Variants in ST18 observed in about 807,000 individuals in gnomAD.
The protein encoded by ST18 is ST18 C2H2C-type zinc finger transcription factor, also known as suppression of tumorigenicity 18 protein.
Under a neutral mutation model 110.0 loss-of-function variants are expected in ST18, and 50 were observed. The observed-to-expected ratio is 0.45, with a 90% CI of 0.36 to 0.58. The LOEUF (loss-of-function observed/expected upper bound fraction) is 0.58, where lower values mean the gene tolerates loss of function less well. Among genes scored for constraint, ST18 ranks in the 20% least tolerant of loss-of-function variants. The pLI is 0.00. For synonymous variants in ST18, 461 were observed against 452.4 expected, an observed-to-expected ratio of 1.02 and a Z score of -0.24; for missense variants, 1,306 against 1,280.1, an observed-to-expected ratio of 1.02 and a Z score of -0.31.
At chr8:52,324,557 G>A (rs907076650) in intron 2 of ST18, among the ~76,000 whole-genome samples, 17 of 152,290 alleles carry the variant, frequency 1.1e-4, no homozygotes, top group African/African-American at 3.6e-4. Flanking sequence ...ACGGCAATGG[G>A]AACTAGTGAT....
rs538357628 is a variant in ST18, at chr8:52,139,500, C to T, written c.2169-2017G>A. On this transcript the variant is annotated intron_variant, in intron 17 of 25. Transcript: ENST00000689386. Reference sequence around the variant, plus strand: ...CCTCCCGAATAGCTTGGATTACAGGCGTGTACCACCATGCCCGACTAATTT... The same window carrying T: ...CCTCCCGAATAGCTTGGATTACAGGTGTGTACCACCATGCCCGACTAATTT... 5.3e-5 allele frequency among the ~76,000 whole-genome samples: 8 copies of T among 152,162 alleles called. No individual in the cohort carries two copies. In the South Asian group the frequency reaches 8.3e-4, roughly 16 times the overall value.
chr8:52,321,177 A>G (rs1020040803), intron 2 of ST18, among the ~76,000 whole-genome samples: 2 of 152,138 alleles, frequency 1.3e-5, no homozygotes, highest in African/African-American at 4.8e-5. Flanking sequence ...CCTGGACGGG[A>G]AGAGACACTC....
At chr8:52,394,169 A>T (rs1840299250) in intron 2 of ST18, among the ~76,000 whole-genome samples, 1 of 152,160 alleles carries the variant, frequency 6.6e-6, no homozygotes, top group Non-Finnish European at 1.5e-5. Flanking sequence ...GTCTCTCCAG[A>T]TGCAGAGGAG....
At chr8:52,272,387 A>G (rs2095103913) in intron 2 of ST18, among the ~76,000 whole-genome samples, 1 of 152,222 alleles carries the variant, frequency 6.6e-6, no homozygotes, top group African/African-American at 2.4e-5. Flanking sequence ...AAATAGCCTA[A>G]GAACTTGAAT....
intron 2 of ST18, among the ~76,000 whole-genome samples, chr8:52,246,856 T>C (rs1317671728): frequency 6.6e-6 from 1 of 152,200 alleles, no homozygotes; most frequent in Non-Finnish European, 1.5e-5. Context: ...AAGGCAACAT[T>C]TATCTCCCAT....
chr8:52,364,024 G>C (rs1826829104), intron 2 of ST18, among the ~76,000 whole-genome samples: 2 of 152,166 alleles, frequency 1.3e-5, no homozygotes, highest in South Asian at 4.1e-4. Flanking sequence ...AAGGACTGTG[G>C]TATCGATTAC....
At chr8:52,309,520 CAAAAAA>C (rs756214451) in intron 2 of ST18, among the ~76,000 whole-genome samples, 1 of 37,768 alleles carries the variant, frequency 2.6e-5, no homozygotes, top group Non-Finnish European at 4.9e-5. Context: ...GACTCCATCT[CAAAAAA>C]AAAAAAAAAA....
At chr8:52,215,348 A>G (rs575930983) in intron 6 of ST18, among the ~76,000 whole-genome samples, 1 of 152,196 alleles carries the variant, frequency 6.6e-6, no homozygotes, top group Non-Finnish European at 1.5e-5. Context: ...CCTGCACATA[A>G]TAGTTTCATT....
chr8:52,323,481 A>G (rs1804912206), intron 2 of ST18, among the ~76,000 whole-genome samples: 1 of 152,152 alleles, frequency 6.6e-6, no homozygotes, highest in Non-Finnish European at 1.5e-5. Context: ...GTAAACCTCA[A>G]ATACCTCTCT....
intron 8 of ST18, among the ~76,000 whole-genome samples, chr8:52,186,002 A>T (rs888579862): frequency 6.6e-6 from 1 of 152,136 alleles, no homozygotes; most frequent in African/African-American, 2.4e-5. Context: ...GCCTCCTATT[A>T]ACATTCCATT....
chr8:52,179,908 C>G (rs899907141), intron 9 of ST18, among the ~76,000 whole-genome samples: 4 of 152,192 alleles, frequency 2.6e-5, no homozygotes, highest in African/African-American at 9.7e-5. Context: ...GGGCAAGACT[C>G]TCTGTTGCTT....
intron 2 of ST18, among the ~76,000 whole-genome samples, chr8:52,292,389 G>T (rs1364323692): frequency 6.6e-6 from 1 of 152,190 alleles, no homozygotes; most frequent in Admixed American, 6.5e-5. Flanking sequence ...GTATGTGTGT[G>T]TGTGTGTGTG....
At chr8:52,209,597 C>T (rs948328943) in intron 8 of ST18, among the ~76,000 whole-genome samples, 1 of 151,332 alleles carries the variant, frequency 6.6e-6, no homozygotes, top group Admixed American at 6.6e-5. Flanking sequence ...CATGGAGAAA[C>T]CCGTCTCTAC....
chr8:52,129,198 G>T (rs1168246090), intron 22 of ST18, among the ~76,000 whole-genome samples: 2 of 152,046 alleles, frequency 1.3e-5, no homozygotes, highest in Non-Finnish European at 2.9e-5. Flanking sequence ...AGGCACGGTG[G>T]CTCATACCTG....
intron 2 of ST18, among the ~76,000 whole-genome samples, chr8:52,295,833 G>T (rs1353329860): frequency 2.0e-5 from 3 of 149,764 alleles, no homozygotes; most frequent in Non-Finnish European, 4.4e-5. Flanking sequence ...TTCCCTGCAC[G>T]CTCAATCTGC....
chr8:52,269,325 T>A (rs551136855), intron 2 of ST18, among the ~76,000 whole-genome samples: 2 of 152,198 alleles, frequency 1.3e-5, no homozygotes, highest in Admixed American at 6.5e-5. Flanking sequence ...AAAATGGTGA[T>A]GACAGGTGTA....
chr8:52,177,686 G>A (rs1196744412), intron 9 of ST18, among the ~76,000 whole-genome samples: 1 of 152,224 alleles, frequency 6.6e-6, no homozygotes, highest in African/African-American at 2.4e-5. Flanking sequence ...GGTAGTCAGT[G>A]TGTGAGGACA....
At chr8:52,167,882 T>C (rs1175330134) in intron 10 of ST18, among the ~76,000 whole-genome samples, 2 of 151,950 alleles carry the variant, frequency 1.3e-5, no homozygotes, top group African/African-American at 4.8e-5. Flanking sequence ...CAGACAAGCT[T>C]GGGGTTTGAT....
chr8:52,234,372 C>T lies in ST18; in HGVS notation c.-464-4295G>A, dbSNP rs576570415. ...CTCCGCCCCCCGGATTCAAGTGATT[C>T]TCCTGCCTCAGCCTCCTGGGTAGCT... On this transcript the variant is annotated intron_variant, in intron 2 of 25. Coordinates refer to ENST00000689386, the MANE Select transcript of ST18 (RefSeq NM_001352837.2). Among the ~76,000 whole-genome samples, 497 of 152,222 alleles carry T rather than the reference C, an allele frequency of 3.3e-3. 4 individuals carry two copies. The highest frequency in any genetic ancestry group is 0.011 in the African/African-American group (474 of 41,548).
Sources: allele counts gnomAD v4.1 joint callset (sites outside exome capture counted in the v4.1 genomes callset), GRCh38; gene constraint gnomAD v4.1.1; transcripts MANE v1.5; gene names NCBI Gene and HGNC (gene_info 2026-07-23, HGNC 2026-07-21).